The following LIPA variants were observed in gnomAD, a reference collection of about 807,000 sequenced individuals.
The protein encoded by LIPA is lysosomal acid lipase/cholesteryl ester hydrolase.
Under a neutral mutation model 40.6 loss-of-function variants are expected in LIPA, and 26 were observed. The observed-to-expected ratio is 0.64, with a 90% confidence interval of 0.47 to 0.89. The LOEUF is 0.89. Among genes scored for constraint, LIPA ranks in the 40% least tolerant of loss-of-function variants. The probability of loss-of-function intolerance (pLI) is 0.00; values close to 1 mark genes in which losing one functional copy is unlikely to be tolerated. For synonymous variants in LIPA, 188 were observed against 168.4 expected, an observed-to-expected ratio of 1.12 and a Z score of -0.90; for missense variants, 455 against 479.6, an observed-to-expected ratio of 0.95 and a Z score of 0.48.
chr10:89,302,163 T>TC, intron 1 of LIPA: 1 of 1,611,258 alleles, frequency 6.2e-7, no homozygotes. Flanking sequence ...GTAGTGCTGT[T>TC]GAGTCATCTT....
chr10:89,385,840 A>G (rs1450326833), intron 2 of LIPA, among the ~76,000 whole-genome samples: 1 of 152,214 alleles, frequency 6.6e-6, no homozygotes, highest in Non-Finnish European at 1.5e-5. Context: ...AAAATCACAC[A>G]TCTAAGATTA....
chr10:89,237,827 T>A (rs1046666235), intron 3 of LIPA, among the ~76,000 whole-genome samples: 17 of 152,174 alleles, frequency 1.1e-4, no homozygotes, highest in Non-Finnish European at 2.5e-4. Context: ...ATGAATTCAA[T>A]ACCAAAGGCA....
intron 2 of LIPA, among the ~76,000 whole-genome samples, chr10:89,390,284 G>T (rs921833854): frequency 6.6e-6 from 1 of 152,098 alleles, no homozygotes; most frequent in Non-Finnish European, 1.5e-5. Flanking sequence ...CTGTGCCCAG[G>T]CTGAAGATTT....
chr10:89,244,941 G>A (rs1843005667), intron 3 of LIPA, among the ~76,000 whole-genome samples: 1 of 152,038 alleles, frequency 6.6e-6, no homozygotes, highest in Admixed American at 6.5e-5. Flanking sequence ...AAATAAACTT[G>A]CACACACAAA....
chr10:89,414,082 A>G (rs1841504852), intron 1 of LIPA, among the ~76,000 whole-genome samples: 1 of 152,244 alleles, frequency 6.6e-6, no homozygotes, highest in African/African-American at 2.4e-5. Flanking sequence ...GCAGTCTCCT[A>G]CAATTGTGGG....
chr10:89,337,728 T>A (rs1157947736), intron 1 of LIPA, among the ~76,000 whole-genome samples: 1 of 152,186 alleles, frequency 6.6e-6, no homozygotes, highest in African/African-American at 2.4e-5. Flanking sequence ...GTGAGAGAGA[T>A]CTCATTTCCT....
At chr10:89,361,466 G>A (rs2051890619) in intron 2 of LIPA, among the ~76,000 whole-genome samples, 1 of 152,188 alleles carries the variant, frequency 6.6e-6, no homozygotes, top group Non-Finnish European at 1.5e-5. Context: ...AGAGAAAGGT[G>A]AGAAAGAGCT....
chr10:89,358,463 G>A (rs553124117), intron 2 of LIPA, among the ~76,000 whole-genome samples: 18 of 152,258 alleles, frequency 1.2e-4, no homozygotes, highest in Non-Finnish European at 1.8e-4. Flanking sequence ...TTATCAAAGC[G>A]ATATCTGTAT....
intron 1 of LIPA, among the ~76,000 whole-genome samples, chr10:89,288,394 C>G (rs1230950583): frequency 6.6e-6 from 1 of 152,168 alleles, no homozygotes; most frequent in African/African-American, 2.4e-5. Flanking sequence ...GCCCTAGAAG[C>G]TGCCCCCATG....
chr10:89,384,097 C>T (rs373382761), intron 2 of LIPA: 161 of 1,613,962 alleles, frequency 1.0e-4, no homozygotes, highest in Admixed American at 7.7e-4. Context: ...CAAGTTTTAT[C>T]GAAGAAAAGG....
chr10:89,227,157 GC>G, intron 4 of LIPA, 153 bp from the exon 5 acceptor site: 1 of 651,142 alleles, frequency 1.5e-6, no homozygotes. Flanking sequence ...GACTGCAGAA[GC>G]CCCCTTGGGC....
At chr10:89,228,085 T>TC in intron 4 of LIPA, 115 bp downstream of exon 4, 1 of 853,384 alleles carries the variant, frequency 1.2e-6, no homozygotes, top group Admixed American at 1.8e-5. Context: ...GACACTAACT[T>TC]CCCCTCTCAT....
At chr10:89,245,274 G>T (rs995300739) in intron 3 of LIPA, among the ~76,000 whole-genome samples, 6 of 152,124 alleles carry the variant, frequency 3.9e-5, no homozygotes, top group African/African-American at 1.4e-4. Context: ...AAAAAAGCAG[G>T]AAGTAGGGAG....
At chr10:89,260,079 C>T (rs1271684296) in intron 1 of LIPA, among the ~76,000 whole-genome samples, 1 of 152,144 alleles carries the variant, frequency 6.6e-6, no homozygotes, top group Admixed American at 6.5e-5. Flanking sequence ...TAAAAAAATA[C>T]TAATAGTTAC....
rs1843742292 is a variant in LIPA, at chr10:89,336,477, C to A, written c.-2+6134G>T. ...ATATTGGGCCAAAAATGGTTTAGAT[C>A]AGCATTACTGGAGAGACAGACAGGA... On this transcript the variant is annotated intron_variant, in intron 1 of 5. Coordinates refer to the LIPA transcript ENST00000282673. Among the ~76,000 whole-genome samples, 3 of 152,158 alleles carry A rather than the reference C, an allele frequency of 2.0e-5. No individual in the cohort carries two copies. The South Asian group carries it at 6.2e-4, about 32-fold the overall frequency.
chr10:89,385,268 T>C (rs751467006), intron 2 of LIPA: 1 of 153,388 alleles, frequency 6.5e-6, no homozygotes, highest in Non-Finnish European at 1.5e-5. Context: ...CCTTCAAAAA[T>C]GTATAGTCTG....
intron 2 of LIPA, chr10:89,383,633 A>C (rs1844179745): frequency 6.2e-7 from 1 of 1,614,244 alleles, no homozygotes. Flanking sequence ...GTGTATTACC[A>C]CATGGGCAGA....
chr10:89,273,946 C>T (rs1843277881), intron 1 of LIPA, among the ~76,000 whole-genome samples: 1 of 152,182 alleles, frequency 6.6e-6, no homozygotes, highest in African/African-American at 2.4e-5. Flanking sequence ...ACTACTTTTA[C>T]AGCACAGTTG....
chr10:89,286,641 T>G (rs1843342942), intron 1 of LIPA, among the ~76,000 whole-genome samples: 1 of 152,202 alleles, frequency 6.6e-6, no homozygotes, highest in African/African-American at 2.4e-5. Flanking sequence ...AACCCTGAGA[T>G]GCTTTACAGC....
Sources: allele counts gnomAD v4.1 joint callset (sites outside exome capture counted in the v4.1 genomes callset), GRCh38; gene constraint gnomAD v4.1.1; transcripts MANE v1.5; gene names NCBI Gene and HGNC (gene_info 2026-07-23, HGNC 2026-07-21).